The following GRIP1 variants were observed in gnomAD, a reference collection of about 807,000 sequenced individuals.
The protein encoded by GRIP1 is glutamate receptor interacting protein 1, also known as glutamate receptor-interacting protein 1.
GRIP1 carries 45 observed loss-of-function variants against 129.9 expected under a neutral mutation model. The observed-to-expected ratio is 0.35, with a 90% CI of 0.27 to 0.44. The LOEUF (loss-of-function observed/expected upper bound fraction) is 0.44. Ranked by LOEUF, GRIP1 falls within the 20% of genes least tolerant of loss-of-function variation. GRIP1 has a pLI of 1.00. For missense variants in GRIP1, 1,196 were observed against 1,396.8 expected, an observed-to-expected ratio of 0.86 and a Z score of 2.29; for synonymous variants, 530 against 520.8, an observed-to-expected ratio of 1.02 and a Z score of -0.24.
chr12:67,066,888 T>TTTTTTATATA (rs59891449), intron 1 of GRIP1, among the ~76,000 whole-genome samples: 65 of 125,636 alleles, frequency 5.2e-4, no homozygotes, highest in Non-Finnish European at 8.4e-4. Flanking sequence ...AAATATATAT[T>TTTTTTATATA]TATATATATA....
At chr12:66,993,843 T>C (rs1247416869) in intron 1 of GRIP1, among the ~76,000 whole-genome samples, 1 of 149,956 alleles carries the variant, frequency 6.7e-6, no homozygotes, top group Non-Finnish European at 1.5e-5. Flanking sequence ...CTACCAATCT[T>C]ACAGAAATAA....
chr12:66,515,158 A>C (rs1272671860), intron 7 of GRIP1, among the ~76,000 whole-genome samples: 1 of 152,016 alleles, frequency 6.6e-6, no homozygotes, highest in Non-Finnish European at 1.5e-5. Context: ...TTATCCCTAA[A>C]TCTGATTGTG....
chr12:67,066,888 T>TTTTATATATATATATATATATATATATA (rs59891449), intron 1 of GRIP1, among the ~76,000 whole-genome samples: 14 of 125,640 alleles, frequency 1.1e-4, no homozygotes, highest in Non-Finnish European at 1.8e-4. Flanking sequence ...AAATATATAT[T>TTTTATATATATATATATATATATATATA]TATATATATA....
chr12:66,383,638 A>G (rs1391931625), intron 19 of GRIP1, among the ~76,000 whole-genome samples: 2 of 152,264 alleles, frequency 1.3e-5, no homozygotes, highest in African/African-American at 2.4e-5. Flanking sequence ...CCTGGGTCAC[A>G]ATCTTGGGGC....
chr12:66,349,712 TGGCTCACACCTGTCA>T (rs1419676050), intron 24 of GRIP1, among the ~76,000 whole-genome samples: 1 of 152,192 alleles, frequency 6.6e-6, no homozygotes, highest in African/African-American at 2.4e-5. Context: ...CCAGGTGCAG[TGGCTCACACCTGTCA>T]TTGTGGCACT....
chr12:66,786,832 A>G (rs2038362775), intron 1 of GRIP1, among the ~76,000 whole-genome samples: 1 of 152,180 alleles, frequency 6.6e-6, no homozygotes, highest in Non-Finnish European at 1.5e-5. Context: ...AGGCTTAACA[A>G]ATGATCTTTG....
intron 1 of GRIP1, among the ~76,000 whole-genome samples, chr12:66,965,493 G>T (rs2041982904): frequency 1.3e-5 from 2 of 151,152 alleles, no homozygotes. Context: ...CTATGAGGGG[G>T]TTTTAGTTGA....
At position 66,348,915 on chromosome 12, in the gene GRIP1, T is replaced by C. The variant is rs1244521436; in HGVS notation, c.*104A>G. Reference sequence around the variant, plus strand: ...AAAAGACCCCTGTGCTTGCAGTTAATGCCACGTTGATTGATTATCTGTGCT... The same window carrying C: ...AAAAGACCCCTGTGCTTGCAGTTAACGCCACGTTGATTGATTATCTGTGCT... On this transcript the variant is annotated 3_prime_UTR_variant, in exon 25 of 25. Transcript: ENST00000359742. 1.2e-5 allele frequency: 10 copies of C among 847,466 alleles called. No individual in the cohort carries two copies. The highest frequency in any genetic ancestry group is 1.7e-5 in the Admixed American group (1 of 58,848). 52.5% of individuals were successfully genotyped at this position (847,466 alleles called of 1,614,324 possible). A position where few individuals can be genotyped will look rare whatever the true frequency, so the allele number is the denominator to read the frequency against.
chr12:66,731,551 T>A (rs564345489), intron 1 of GRIP1, among the ~76,000 whole-genome samples: 8 of 152,272 alleles, frequency 5.3e-5, no homozygotes, highest in African/African-American at 1.9e-4. Context: ...AAACTATAAA[T>A]AAACATGGTG....
rs183171421 is a variant in GRIP1 at position 66,486,192 on chromosome 12, A to C, written c.725-20770T>G. Among the ~76,000 whole-genome samples the C allele has an allele frequency of 4.9e-3, 744 of 152,262 alleles. 2 individuals are homozygous for C. The highest frequency in any genetic ancestry group is 7.0e-3 in the Non-Finnish European group (476 of 68,020). ...GAGAGTTTAGGCCCTTGCCAAGGGA[A>C]TAATAATATATGAAATAATCATGTT... On this transcript the variant is annotated intron_variant, in intron 7 of 24. Transcript: ENST00000359742.
At position 66,904,784 on chromosome 12, in the gene GRIP1, C is replaced by T. The variant is rs559674697; in HGVS notation, c.58+164266G>A. ...GCAGGTGCCTGTAGCCCCAGCTACTCGGGGGGCTGAGGCAGGAGAATCGCT... is the reference window on the plus strand; with the variant it reads ...GCAGGTGCCTGTAGCCCCAGCTACTTGGGGGGCTGAGGCAGGAGAATCGCT... On this transcript the variant is annotated intron_variant, in intron 1 of 1. Transcript: ENST00000643019. Among the ~76,000 whole-genome samples the T allele has an allele frequency of 5.9e-5, 9 of 151,702 alleles. No homozygotes were observed. The East Asian group carries it at 9.8e-4, about 16-fold the overall frequency.
chr12:66,891,401 A>T (rs1170511471), intron 1 of GRIP1, among the ~76,000 whole-genome samples: 1 of 152,210 alleles, frequency 6.6e-6, no homozygotes, highest in Non-Finnish European at 1.5e-5. Context: ...CACAAAGCAC[A>T]TACTTTCAGA....
chr12:66,727,250 C>G (rs574615349), intron 1 of GRIP1, among the ~76,000 whole-genome samples: 11 of 152,210 alleles, frequency 7.2e-5, no homozygotes, highest in Non-Finnish European at 1.6e-4. Context: ...CAGCTCTGTA[C>G]CCATACCATG....
chr12:66,427,311 T>A (rs755250831), intron 14 of GRIP1, among the ~76,000 whole-genome samples: 12 of 152,058 alleles, frequency 7.9e-5, no homozygotes, highest in Non-Finnish European at 1.3e-4. Context: ...TAAAGTGGAG[T>A]GTAGGGTGGG....
chr12:66,722,964 A>G lies in GRIP1; in HGVS notation c.-420+81089T>C, dbSNP rs1312525254. Among the ~76,000 whole-genome samples, 5 of 151,848 alleles carry G rather than the reference A, an allele frequency of 3.3e-5. No homozygotes were observed. The East Asian group carries it at 9.7e-4, about 29-fold the overall frequency. On this transcript the variant is annotated intron_variant, in intron 1 of 4. Coordinates refer to the GRIP1 transcript ENST00000538373. Reference sequence around the variant, plus strand: ...TTATTTTTGATATTTCATAATATTGAAGCCCTTTCATCAAATCAATAAAGC... The same window carrying G: ...TTATTTTTGATATTTCATAATATTGGAGCCCTTTCATCAAATCAATAAAGC...
intron 1 of GRIP1, among the ~76,000 whole-genome samples, chr12:66,902,357 T>C (rs1262957100): frequency 2.6e-5 from 4 of 152,194 alleles, no homozygotes; most frequent in African/African-American, 4.8e-5. Flanking sequence ...AAAACTTTTG[T>C]TCCTTTACAA....
At chr12:67,036,218 C>G (rs1256735102) in intron 1 of GRIP1, among the ~76,000 whole-genome samples, 4 of 152,050 alleles carry the variant, frequency 2.6e-5, no homozygotes, top group Non-Finnish European at 5.9e-5. Flanking sequence ...TTGCATTTCA[C>G]GATAACTTTT....
In GRIP1 at chr12:66,624,500, A is replaced by G. The variant is rs574470062; in HGVS notation, c.56-27573T>C. 3.3e-5 allele frequency among the ~76,000 whole-genome samples: 5 copies of G among 152,274 alleles called. No homozygotes were observed. In the East Asian group the frequency reaches 9.7e-4, roughly 29 times the overall value. On this transcript the variant is annotated intron_variant, in intron 1 of 24. Transcript: ENST00000359742. ...GATTACAAAATGTCTCTTGCCTCTG[A>G]ATAATAAATATAATTTATTGATTCT... is the stretch of plus-strand genomic sequence containing the variant.
At chr12:66,785,339 C>CATATATATAT (rs1242812457) in intron 1 of GRIP1, among the ~76,000 whole-genome samples, 786 of 36,316 alleles carry the variant, frequency 0.022, 9 homozygotes, top group African/African-American at 0.028. Flanking sequence ...TACATACATA[C>CATATATATAT]ATACATATAT....
Sources: allele counts gnomAD v4.1 joint callset (sites outside exome capture counted in the v4.1 genomes callset), GRCh38; gene constraint gnomAD v4.1.1; transcripts MANE v1.5; gene names NCBI Gene and HGNC (gene_info 2026-07-23, HGNC 2026-07-21).